Variants in ATRN observed in about 807,000 individuals in gnomAD.
The protein encoded by ATRN is attractin.
In ATRN, 54 loss-of-function variants were observed where a neutral mutation model predicts 178.7. The observed-to-expected ratio is 0.30, with a 90% CI of 0.24 to 0.38. ATRN has a LOEUF of 0.38. Among genes scored for constraint, ATRN ranks in the 10% least tolerant of loss-of-function variants. ATRN has a pLI of 1.00. For synonymous variants in ATRN, 636 were observed against 663.0 expected (o/e 0.96, Z 0.63); for missense variants, 1,443 against 1,815.1 (o/e 0.79, Z 3.73).
At chr20:3,568,851 T>C (rs1047783651) in intron 11 of ATRN, among the ~76,000 whole-genome samples, 2 of 152,160 alleles carry the variant, frequency 1.3e-5, no homozygotes, top group Non-Finnish European at 2.9e-5. Context: ...TTAGGAACAC[T>C]AGACAGCACT....
At chr20:3,589,544 T>C (rs147924886) in intron 18 of ATRN, among the ~76,000 whole-genome samples, 67 of 152,334 alleles carry the variant, frequency 4.4e-4, no homozygotes, top group African/African-American at 1.5e-3. Context: ...GCATTAACCC[T>C]TCCTTCAGGA....
At chr20:3,483,096 C>T (rs972985436) in intron 1 of ATRN, among the ~76,000 whole-genome samples, 1 of 152,162 alleles carries the variant, frequency 6.6e-6, no homozygotes, top group African/African-American at 2.4e-5. Context: ...TTTATTATTT[C>T]TCTTGCATGT....
chr20:3,636,995 A>C (rs1237253937), intron 26 of ATRN, among the ~76,000 whole-genome samples: 1 of 152,274 alleles, frequency 6.6e-6, no homozygotes, highest in Non-Finnish European at 1.5e-5. Flanking sequence ...TATATCAAAA[A>C]ATAAATGAAT....
At chr20:3,504,463 G>A (rs2085009074) in intron 1 of ATRN, among the ~76,000 whole-genome samples, 1 of 150,100 alleles carries the variant, frequency 6.7e-6, no homozygotes, top group African/African-American at 2.5e-5. Context: ...ATCACCTGAG[G>A]TCAGGAGTTC....
intron 6 of ATRN, among the ~76,000 whole-genome samples, chr20:3,557,433 G>A (rs2085892770): frequency 6.6e-6 from 1 of 152,206 alleles, no homozygotes; most frequent in South Asian, 2.1e-4. Flanking sequence ...GATGGTCCAA[G>A]AATAGTGTAC....
At chr20:3,582,823 A>G (rs1222268402) in intron 16 of ATRN, among the ~76,000 whole-genome samples, 1 of 152,214 alleles carries the variant, frequency 6.6e-6, no homozygotes, top group African/African-American at 2.4e-5. Context: ...GTAAGCGAGG[A>G]CAGAAGCAAC....
chr20:3,483,636 CAT>C (rs1465658411), intron 1 of ATRN, among the ~76,000 whole-genome samples: 1 of 152,176 alleles, frequency 6.6e-6, no homozygotes. Context: ...TGTGAGCCAC[CAT>C]GCCCGGCCCA....
At chr20:3,552,370 G>A (rs2085801229) in intron 6 of ATRN, among the ~76,000 whole-genome samples, 1 of 152,058 alleles carries the variant, frequency 6.6e-6, no homozygotes, top group Non-Finnish European at 1.5e-5. Flanking sequence ...TGTGTACTAG[G>A]CATCTTATGC....
intron 2 of ATRN, among the ~76,000 whole-genome samples, chr20:3,536,001 C>T (rs1189669220): frequency 6.6e-6 from 1 of 152,092 alleles, no homozygotes; most frequent in Non-Finnish European, 1.5e-5. Context: ...TTCTAAGTAT[C>T]TATTTTTGTT....
chr20:3,487,270 G>A (rs115122675), intron 1 of ATRN, among the ~76,000 whole-genome samples: 1,861 of 152,088 alleles, frequency 0.012, 35 homozygotes, highest in African/African-American at 0.043. Context: ...GAGTCTTCTT[G>A]TTGCCCAGGC....
intron 1 of ATRN, among the ~76,000 whole-genome samples, chr20:3,514,896 G>A (rs975572529): frequency 8.5e-5 from 13 of 152,156 alleles, no homozygotes; most frequent in African/African-American, 2.7e-4. Context: ...GGTTGAGGCC[G>A]CAGTGAGCCA....
At chr20:3,595,770 C>T (rs867701429) in intron 20 of ATRN, among the ~76,000 whole-genome samples, 6 of 152,310 alleles carry the variant, frequency 3.9e-5, no homozygotes, top group Middle Eastern at 3.4e-3. Flanking sequence ...ACCCACTTCC[C>T]GCCCTTTCCT....
intron 24 of ATRN, among the ~76,000 whole-genome samples, chr20:3,616,226 G>A (rs1056567115): frequency 2.0e-5 from 3 of 152,098 alleles, no homozygotes; most frequent in Admixed American, 6.5e-5. Context: ...TGGCTGGACA[G>A]GTAAATCTTT....
At chr20:3,497,229 G>A (rs1175484408) in intron 1 of ATRN, among the ~76,000 whole-genome samples, 7 of 148,988 alleles carry the variant, frequency 4.7e-5, no homozygotes, top group African/African-American at 1.7e-4. Context: ...TATTTTGCTC[G>A]TTAGTTGATG....
At position 3,647,250 on chromosome 20, in the gene ATRN, C is replaced by T. The variant is rs2087114511; in HGVS notation, c.*403C>T. ...ACATTCGTCATCAGTTGTTCTTGAACATGGTCTTTTAAAAACTAGTCAGAT... is the reference window on the plus strand; with the variant it reads ...ACATTCGTCATCAGTTGTTCTTGAATATGGTCTTTTAAAAACTAGTCAGAT... On this transcript the variant is annotated 3_prime_UTR_variant, in exon 29 of 29. Transcript: ENST00000262919. The T allele has an allele frequency of 7.2e-6, 1 of 138,802 alleles. No individual in the cohort carries two copies. The highest frequency in any genetic ancestry group is 1.5e-5 in the Non-Finnish European group (1 of 65,998). 8.6% of individuals were successfully genotyped at this position (138,802 alleles called of 1,614,324 possible). A position where few individuals can be genotyped will look rare whatever the true frequency, so the allele number is the denominator to read the frequency against.
intron 1 of ATRN, chr20:3,490,221 G>C: frequency 6.6e-7 from 1 of 1,521,038 alleles, no homozygotes; most frequent in Non-Finnish European, 9.1e-7. Context: ...AAAGCTAAGA[G>C]AGCAGATTTC....
chr20:3,622,295 C>T (rs2086902668), intron 24 of ATRN, among the ~76,000 whole-genome samples: 1 of 152,206 alleles, frequency 6.6e-6, no homozygotes, highest in Non-Finnish European at 1.5e-5. Flanking sequence ...TCCTTTATCC[C>T]TTCTTCAGTT....
At chr20:3,497,386 G>T (rs1600033024) in intron 1 of ATRN, among the ~76,000 whole-genome samples, 1 of 152,048 alleles carries the variant, frequency 6.6e-6, no homozygotes, top group South Asian at 2.1e-4. Context: ...GCATTTGCTT[G>T]TCTGTGAAGG....
chr20:3,550,509 G>A (rs2019041825), intron 6 of ATRN, among the ~76,000 whole-genome samples: 1 of 152,114 alleles, frequency 6.6e-6, no homozygotes, highest in African/African-American at 2.4e-5. Context: ...AATTTCTGAT[G>A]AGACTCCTGC....
Sources: allele counts gnomAD v4.1 joint callset (sites outside exome capture counted in the v4.1 genomes callset), GRCh38; gene constraint gnomAD v4.1.1; transcripts MANE v1.5; gene names NCBI Gene and HGNC (gene_info 2026-07-23, HGNC 2026-07-21).